FNDC1: variants seen among roughly 807,000 people sequenced by gnomAD.
FNDC1 encodes the protein fibronectin type III domain-containing protein 1.
A neutral mutation model predicts 168.0 loss-of-function variants in FNDC1; 96 were observed. The observed-to-expected ratio is 0.57, with a 90% confidence interval of 0.48 to 0.68. FNDC1 has a LOEUF of 0.68. Among genes scored for constraint, FNDC1 ranks in the 30% least tolerant of loss-of-function variants. The probability of loss-of-function intolerance (pLI) is 0.00; values close to 1 mark genes in which losing one functional copy is unlikely to be tolerated. For missense variants in FNDC1, 2,587 were observed against 2,482.1 expected (o/e 1.04, Z -0.90); for synonymous variants, 1,099 against 1,025.9 (o/e 1.07, Z -1.36).
chr6:159,233,176 C>A lies in FNDC1; in HGVS notation c.2664C>A (p.Thr888=). ...DEEDEKPLPA[T]VVNDHVPSSS... The stretch of plus-strand genomic sequence containing the variant: ...AGGATGAGAAGCCGCTTCCTGCCAC[C>A]GTTGTCAATGACCACGTGCCTTCCT... Residue 888 remains threonine, a synonymous_variant, in exon 11 of 23, where the codon ACC becomes ACA. Transcript: ENST00000297267. This position sits in a 1 kb window ranked among gnomAD's most constrained non-coding sequence, Gnocchi z 4.6. The A allele has an allele frequency of 6.2e-7, 1 of 1,610,306 alleles. No homozygotes were observed. The highest frequency in any genetic ancestry group is 8.5e-7 in the Non-Finnish European group (1 of 1,178,522).
chr6:159,260,479 T>C (rs1399528156), intron 18 of FNDC1, among the ~76,000 whole-genome samples: 1 of 152,184 alleles, frequency 6.6e-6, no homozygotes, highest in Non-Finnish European at 1.5e-5. Context: ...CTCCGGATCT[T>C]TCCCCCTTCC....
intron 5 of FNDC1, chr6:159,218,605 C>G (rs1054455810): frequency 1.3e-5 from 2 of 152,218 alleles, no homozygotes; most frequent in Admixed American, 1.3e-4. Flanking sequence ...CTTGGTACTA[C>G]AGAGTGGTCG....
chr6:159,211,065 C>A (rs555583680), intron 4 of FNDC1, among the ~76,000 whole-genome samples: 1 of 152,162 alleles, frequency 6.6e-6, no homozygotes, highest in African/African-American at 2.4e-5. Context: ...CCCCCACCCC[C>A]GGCGTGCAGA....
chr6:159,186,477 T>A (rs1317725069), intron 1 of FNDC1, among the ~76,000 whole-genome samples: 1 of 152,212 alleles, frequency 6.6e-6, no homozygotes, highest in Non-Finnish European at 1.5e-5. Context: ...TGGGAGCCAA[T>A]TCCTGAGGTC....
In FNDC1 at chr6:159,233,157, A is replaced by G; in HGVS notation, c.2645A>G (p.Glu882Gly). ...SSGIHGDEED[E>G]KPLPATVVND... The stretch of plus-strand genomic sequence containing the variant: ...GGTATCCATGGAGACGAGGAGGATG[A>G]GAAGCCGCTTCCTGCCACCGTTGTC... The change falls in exon 11 of 23, where the codon GAG (glutamate) becomes GGG (glycine). Residue 882 changes from glutamate to glycine, a missense_variant. Physicochemically the swap from Glu to Gly is moderately conservative, Grantham distance 98. Transcript: ENST00000297267. This position sits in a 1 kb window ranked among gnomAD's most constrained non-coding sequence, Gnocchi z 4.6. 1 of 1,607,288 alleles carries G rather than the reference A, an allele frequency of 6.2e-7. No individual in the cohort carries two copies. The highest frequency in any genetic ancestry group is 1.3e-5 in the African/African-American group (1 of 74,836).
intron 1 of FNDC1, among the ~76,000 whole-genome samples, chr6:159,194,617 T>C (rs896765470): frequency 3.9e-5 from 6 of 152,174 alleles, no homozygotes; most frequent in African/African-American, 1.4e-4. Context: ...CCTTATAGCT[T>C]TATTTCACGT....
intron 1 of FNDC1, among the ~76,000 whole-genome samples, chr6:159,184,844 T>C (rs1391426744): frequency 1.3e-5 from 2 of 152,086 alleles, no homozygotes; most frequent in Non-Finnish European, 2.9e-5. Context: ...ACAAATTGAA[T>C]CTGAAGAATG....
rs1583863694 is a variant in FNDC1, at chr6:159,197,600, A to G, written c.279A>G (p.Thr93=). 2 of 1,613,142 alleles carry G rather than the reference A, an allele frequency of 1.2e-6. No homozygotes were observed. Among genetic ancestry groups the G allele is most frequent in the East Asian group, 4.5e-5 (2 of 44,850 alleles). The stretch of plus-strand genomic sequence containing the variant: ...AATACATCAAGGTGAATGCGGAGAC[A>G]TACTCCTTCCTTATTGAGGATGTGG... ...SLKYIKVNAE[T]YSFLIEDVEP... Residue 93 remains threonine, a synonymous_variant, in exon 2 of 23, where the codon ACA becomes ACG. Transcript: ENST00000297267.
intron 21 of FNDC1, 97 bp from the exon 22 acceptor site, chr6:159,267,707 T>G: frequency 7.6e-7 from 1 of 1,310,482 alleles, no homozygotes; most frequent in Non-Finnish European, 1.1e-6. Context: ...AGTAATATGC[T>G]GAATTCAAAC....
intron 12 of FNDC1, among the ~76,000 whole-genome samples, chr6:159,236,711 A>G (rs951345861): frequency 2.0e-5 from 3 of 152,210 alleles, no homozygotes; most frequent in African/African-American, 7.2e-5. Context: ...CATTACACAT[A>G]TTTTCTGTAA....
At chr6:159,219,402 T>C (rs1355674152) in intron 5 of FNDC1, among the ~76,000 whole-genome samples, 1 of 152,168 alleles carries the variant, frequency 6.6e-6, no homozygotes, top group African/African-American at 2.4e-5. Flanking sequence ...CACCATTGCA[T>C]GTTCATCATA....
At chr6:159,173,909 T>G (rs1350742393) in intron 1 of FNDC1, among the ~76,000 whole-genome samples, 1 of 152,184 alleles carries the variant, frequency 6.6e-6, no homozygotes, top group East Asian at 1.9e-4. Flanking sequence ...GGGATCATTA[T>G]TCTTCCTACC....
At chr6:159,180,996 CAGTAATT>C (rs1781866310) in intron 1 of FNDC1, among the ~76,000 whole-genome samples, 1 of 152,070 alleles carries the variant, frequency 6.6e-6, no homozygotes, top group Admixed American at 6.5e-5. Flanking sequence ...GATATAGACC[CAGTAATT>C]AGGTTGCTGG....
intron 4 of FNDC1, among the ~76,000 whole-genome samples, chr6:159,208,515 G>C (rs577476368): frequency 1.6e-3 from 238 of 148,952 alleles, no homozygotes; most frequent in Non-Finnish European, 2.7e-3. Context: ...GCTCTTCATT[G>C]TCACTAATGC....
intron 1 of FNDC1, among the ~76,000 whole-genome samples, chr6:159,178,030 T>A (rs1041015374): frequency 3.3e-5 from 5 of 152,184 alleles, no homozygotes; most frequent in African/African-American, 1.2e-4. Context: ...TGGAGTCACT[T>A]ATGCTAAAAC....
At chr6:159,248,694 C>A (rs1275804612) in intron 15 of FNDC1, among the ~76,000 whole-genome samples, 1 of 152,190 alleles carries the variant, frequency 6.6e-6, no homozygotes, top group Non-Finnish European at 1.5e-5. Context: ...TAGAGCATGG[C>A]TTTGGGCCAG....
chr6:159,231,235 C>T lies in FNDC1; in HGVS notation c.1370-647C>T, dbSNP rs1379316456. On this transcript the variant is annotated intron_variant, in intron 10 of 22. Transcript: ENST00000297267. ...CTAAAAATACAAAAAATTAGCCGGG[C>T]GCGGTGGCGGGCGCCTGTAGTCCCA... Among the ~76,000 whole-genome samples the T allele has an allele frequency of 2.5e-4, 20 of 80,460 alleles. 8 individuals are homozygous for T. The South Asian group carries it at 5.9e-3, about 24-fold the overall frequency. 52.8% of individuals were successfully genotyped at this position (80,460 alleles called of 152,430 possible).
In FNDC1 at chr6:159,272,035, A is replaced by G. The variant is rs1206646937; in HGVS notation, c.*593A>G. The G allele has an allele frequency of 1.3e-5, 2 of 152,740 alleles. No homozygotes were observed. 9.5% of individuals were successfully genotyped at this position (152,740 alleles called of 1,614,324 possible). A position where few individuals can be genotyped will look rare whatever the true frequency, so the allele number is the denominator to read the frequency against. On this transcript the variant is annotated 3_prime_UTR_variant, in exon 23 of 23. Coordinates refer to ENST00000297267, the MANE Select transcript of FNDC1 (RefSeq NM_032532.3). ...TCTCAATTTTGATATATATATGTATATATGCATATACATATCCACACTTGT... is the reference window on the plus strand; with the variant it reads ...TCTCAATTTTGATATATATATGTATGTATGCATATACATATCCACACTTGT...
chr6:159,244,670 A>G (rs997183897), intron 14 of FNDC1, among the ~76,000 whole-genome samples: 1 of 152,236 alleles, frequency 6.6e-6, no homozygotes, highest in Non-Finnish European at 1.5e-5. Context: ...GGTGATTTTA[A>G]TAGAGCATCT....
Sources: gnomAD v4.1 joint callset for allele counts (sites outside exome capture counted in the v4.1 genomes callset) on GRCh38, gnomAD v4.1.1 for gene constraint, Gnocchi (gnomAD v3.1) non-coding constraint, MANE v1.5 for transcripts, NCBI Gene and HGNC (gene_info 2026-07-23, HGNC 2026-07-21) for gene names.